The following SLC25A25 variants were observed in gnomAD, a reference collection of about 807,000 sequenced individuals.
The protein encoded by SLC25A25 is solute carrier family 25 member 25.
In SLC25A25, 32 loss-of-function variants were observed where a neutral mutation model predicts 57.7. That is an observed-to-expected ratio of 0.55 (90% CI 0.42 to 0.74). The LOEUF is 0.74. Ranked by LOEUF, SLC25A25 falls within the 30% of genes least tolerant of loss-of-function variation. SLC25A25 has a pLI of 0.00. For missense variants in SLC25A25, 556 were observed against 701.3 expected, an observed-to-expected ratio of 0.79 and a Z score of 2.34; for synonymous variants, 306 against 291.2, an observed-to-expected ratio of 1.05 and a Z score of -0.52.
Position 128,095,198 on chromosome 9 carries a change from G to A in SLC25A25, c.262-5898G>A, listed in dbSNP as rs1021141591. Among the ~76,000 whole-genome samples the A allele has an allele frequency of 3.3e-5, 5 of 152,158 alleles. No homozygotes were observed. Among genetic ancestry groups the A allele is most frequent in the South Asian group, 2.1e-4 (1 of 4,830 alleles). On this transcript the variant is annotated intron_variant, in intron 1 of 10. Transcript: ENST00000373069. The surrounding 1 kb of genome is among the most constrained non-coding windows in gnomAD (Gnocchi z 4.4). Reference sequence around the variant, plus strand: ...GTTACACCTTTCCCACACACCTGCCGCCTTCCAGTATGAGGTATCACCTAC... The same window carrying A: ...GTTACACCTTTCCCACACACCTGCCACCTTCCAGTATGAGGTATCACCTAC...
chr9:128,085,734 T>A (rs1476537891), intron 1 of SLC25A25, among the ~76,000 whole-genome samples: 1 of 152,176 alleles, frequency 6.6e-6, no homozygotes, highest in East Asian at 1.9e-4. Context: ...TGCGGCTGCA[T>A]CCTACAAATT....
chr9:128,096,921 G>C (rs1271938243), intron 1 of SLC25A25, among the ~76,000 whole-genome samples: 2 of 152,180 alleles, frequency 1.3e-5, no homozygotes, highest in African/African-American at 2.4e-5. Context: ...CCGTCACTAG[G>C]GTAGCCCAAG....
chr9:128,078,722 A>G (rs1833073393), intron 1 of SLC25A25, among the ~76,000 whole-genome samples: 1 of 152,122 alleles, frequency 6.6e-6, no homozygotes, highest in South Asian at 2.1e-4. Flanking sequence ...AGCTTTGGAG[A>G]TTATCTCACT....
At position 128,102,044 on chromosome 9, in the gene SLC25A25, C is replaced by T; in HGVS notation, c.477-36C>T. ...CTCCGAGCACTTATGCGTGTTGTTT[C>T]TGCTCTCTCCTCCGCATCCTTTGTC... On this transcript the variant is annotated intron_variant, in intron 3 of 10. Coordinates refer to ENST00000373069, the MANE Select transcript of SLC25A25 (RefSeq NM_001330988.2). This position sits in a 1 kb window ranked among gnomAD's most constrained non-coding sequence, Gnocchi z 4.1. 1 of 1,550,474 alleles carries T rather than the reference C, an allele frequency of 6.4e-7. No individual in the cohort carries two copies.
At chr9:128,106,554 C>T (rs1834047252) in intron 9 of SLC25A25, 34 bp downstream of exon 9, 2 of 1,543,000 alleles carry the variant, frequency 1.3e-6, no homozygotes, top group Non-Finnish European at 1.7e-6. Context: ...TAGAAACCTC[C>T]TCCCAGCACA....
At chr9:128,089,861 G>T (rs937175863) in intron 1 of SLC25A25, among the ~76,000 whole-genome samples, 1 of 151,750 alleles carries the variant, frequency 6.6e-6, no homozygotes, top group Non-Finnish European at 1.5e-5. Context: ...TCTCAGACTC[G>T]TCGGCTCAGG....
intron 1 of SLC25A25, among the ~76,000 whole-genome samples, chr9:128,100,195 G>A (rs939296881): frequency 6.7e-6 from 1 of 148,626 alleles, no homozygotes; most frequent in Admixed American, 6.8e-5. Context: ...AGCTGTTTGC[G>A]AGGGGGGTAA....
chr9:128,105,902 G>A (rs767341614), intron 7 of SLC25A25, 21 bp downstream of exon 7: 4 of 1,609,826 alleles, frequency 2.5e-6, no homozygotes, highest in South Asian at 1.1e-5. Context: ...AGCTCCTCAG[G>A]AGGGTCACCG....
At chr9:128,080,512 C>T (rs188211379) in intron 1 of SLC25A25, among the ~76,000 whole-genome samples, 119 of 142,610 alleles carry the variant, frequency 8.3e-4, no homozygotes, top group Middle Eastern at 3.8e-3. Context: ...GAGTTTTGCT[C>T]TCATTGCCCA....
Position 128,101,865 on chromosome 9 carries a change from G to C in SLC25A25, c.477-215G>C, listed in dbSNP as rs897187165. Among the ~76,000 whole-genome samples, 5 of 152,200 alleles carry C rather than the reference G, an allele frequency of 3.3e-5. No individual in the cohort carries two copies. Among genetic ancestry groups the C allele is most frequent in the African/African-American group, 1.2e-4 (5 of 41,442 alleles). ...ATCTCATGGAACAGCCCTGGGAGTT[G>C]CCGTCTGTCCTGGCTGGACCTTCCG... On this transcript the variant is annotated intron_variant, in intron 3 of 10. Coordinates refer to ENST00000373069, the MANE Select transcript of SLC25A25 (RefSeq NM_001330988.2). The surrounding 1 kb of genome is among the most constrained non-coding windows in gnomAD (Gnocchi z 4.9).
At chr9:128,076,377 C>T (rs1348759432) in intron 1 of SLC25A25, among the ~76,000 whole-genome samples, 1 of 152,118 alleles carries the variant, frequency 6.6e-6, no homozygotes, top group South Asian at 2.1e-4. Flanking sequence ...GTGATCCTCT[C>T]GCCTTGGCCT....
intron 1 of SLC25A25, among the ~76,000 whole-genome samples, chr9:128,076,450 AT>A (rs1187861737): frequency 2.0e-5 from 2 of 98,818 alleles, no homozygotes; most frequent in Non-Finnish European, 4.1e-5. Flanking sequence ...TTTTATTTTT[AT>A]TTTTATTTTT....
intron 1 of SLC25A25, among the ~76,000 whole-genome samples, chr9:128,081,051 A>C (rs1037565031): frequency 1.3e-5 from 2 of 152,196 alleles, no homozygotes; most frequent in Non-Finnish European, 2.9e-5. Context: ...TCTAACCTAC[A>C]GAAGAAGGAA....
At chr9:128,083,254 TG>T (rs1833195534) in intron 1 of SLC25A25, among the ~76,000 whole-genome samples, 1 of 148,304 alleles carries the variant, frequency 6.7e-6, no homozygotes, top group Non-Finnish European at 1.5e-5. Flanking sequence ...TAAATAAAAG[TG>T]TTTTTTTTTG....
At chr9:128,078,074 T>A (rs926907663) in intron 1 of SLC25A25, among the ~76,000 whole-genome samples, 15 of 151,088 alleles carry the variant, frequency 9.9e-5, no homozygotes, top group Non-Finnish European at 2.2e-4. Flanking sequence ...TGGGTTCAAA[T>A]GTTCCTTCTG....
chr9:128,105,145 C>T (rs1162697436), intron 6 of SLC25A25, among the ~76,000 whole-genome samples: 1 of 143,114 alleles, frequency 7.0e-6, no homozygotes, highest in Non-Finnish European at 1.5e-5. Context: ...AGATGTGAGC[C>T]AACACTCCCG....
Position 128,098,543 on chromosome 9 carries a change from T to C in SLC25A25, c.262-2553T>C, listed in dbSNP as rs768165226. 29 of 1,603,382 alleles carry C rather than the reference T, an allele frequency of 1.8e-5. No individual in the cohort carries two copies. The Admixed American group carries it at 4.9e-4, about 27-fold the overall frequency. Reference sequence around the variant, plus strand: ...AACTTGCTCCCGGTGGTGAGGGCAGTGGAGCACCCAGCAGGCCGCCAACAT... The same window carrying C: ...AACTTGCTCCCGGTGGTGAGGGCAGCGGAGCACCCAGCAGGCCGCCAACAT... On this transcript the variant is annotated intron_variant, in intron 1 of 10. Coordinates refer to ENST00000373069, the MANE Select transcript of SLC25A25 (RefSeq NM_001330988.2).
intron 9 of SLC25A25, among the ~76,000 whole-genome samples, chr9:128,106,781 T>G (rs1834058648): frequency 2.0e-5 from 3 of 152,100 alleles, no homozygotes; most frequent in Middle Eastern, 3.4e-3. Context: ...CCCCAGGAGC[T>G]CACAGGCCCC....
At chr9:128,084,288 T>G (rs1345530470) in intron 1 of SLC25A25, among the ~76,000 whole-genome samples, 1 of 147,308 alleles carries the variant, frequency 6.8e-6, no homozygotes. Flanking sequence ...TTTGATACAG[T>G]CTCACTCTGT....
Sources: gnomAD v4.1 joint callset for allele counts (sites outside exome capture counted in the v4.1 genomes callset) on GRCh38, gnomAD v4.1.1 for gene constraint, Gnocchi (gnomAD v3.1) non-coding constraint, MANE v1.5 for transcripts, NCBI Gene and HGNC (gene_info 2026-07-23, HGNC 2026-07-21) for gene names.